MMEL1: variants seen among roughly 807,000 people sequenced by gnomAD.
MMEL1 encodes membrane metalloendopeptidase like 1.
Under a neutral mutation model 117.1 loss-of-function variants are expected in MMEL1, and 98 were observed. The observed-to-expected ratio is 0.84, with a 90% CI of 0.71 to 0.99. The LOEUF is 0.99. Among genes scored for constraint, MMEL1 ranks in the 50% least tolerant of loss-of-function variants. The pLI is 0.00. For synonymous variants in MMEL1, 390 were observed against 415.1 expected (o/e 0.94, Z 0.74); for missense variants, 1,014 against 1,049.1 (o/e 0.97, Z 0.46).
At chr1:2,623,763 C>T (rs1439517890) in intron 2 of MMEL1, among the ~76,000 whole-genome samples, 3 of 152,106 alleles carry the variant, frequency 2.0e-5, no homozygotes, top group Non-Finnish European at 2.9e-5. Flanking sequence ...CCTTGGTGGC[C>T]CAGGGATGGA....
chr1:2,629,571 GC>G lies in MMEL1; in HGVS notation c.-37-51del, dbSNP rs2100970471. 7.3e-6 allele frequency: 10 copies of G among 1,368,396 alleles called. No individual in the cohort carries two copies. The South Asian group carries it at 1.5e-4, about 20-fold the overall frequency. The allele number at this position is 1,368,396 out of a possible 1,614,324, so 84.8% of individuals were successfully genotyped here. On this transcript the variant is annotated intron_variant, in intron 1 of 23. Coordinates refer to ENST00000378412, the MANE Select transcript of MMEL1 (RefSeq NM_033467.4). ...GGGAGAGGGGCGTGGAGCTCCCCGA[GC>G]CCGGCCCGAGGCTGGAAGGGCCGGA... is the stretch of plus-strand genomic sequence containing the variant.
rs891428376 is a variant in MMEL1, at chr1:2,595,449, G to A, written c.1501-90C>T. The A allele has an allele frequency of 1.3e-5, 14 of 1,095,422 alleles. No individual in the cohort carries two copies. In the East Asian group the frequency reaches 3.1e-4, roughly 24 times the overall value. 67.9% of individuals were successfully genotyped at this position (1,095,422 alleles called of 1,614,324 possible). Reference sequence around the variant, plus strand: ...GTCAGTGAGTGCCACACTGTGGGAGGGGTCAGCCCGGGGCATCCTGGCTGT... The same window carrying A: ...GTCAGTGAGTGCCACACTGTGGGAGAGGTCAGCCCGGGGCATCCTGGCTGT... On this transcript the variant is annotated intron_variant, in intron 15 of 23. Coordinates refer to ENST00000378412, the MANE Select transcript of MMEL1 (RefSeq NM_033467.4). This position sits in a 1 kb window ranked among gnomAD's most constrained non-coding sequence, Gnocchi z 4.8.
intron 6 of MMEL1, 144 bp from the exon 7 acceptor site, chr1:2,607,213 G>A (rs1413920509): frequency 4.5e-6 from 3 of 672,146 alleles, no homozygotes; most frequent in East Asian, 2.7e-5. Flanking sequence ...CCAGCCTCTG[G>A]GCCTTTACAC....
intron 2 of MMEL1, among the ~76,000 whole-genome samples, chr1:2,627,834 C>G (rs552771995): frequency 1.3e-5 from 2 of 152,072 alleles, no homozygotes; most frequent in African/African-American, 4.8e-5. Flanking sequence ...GGGGTCTTGA[C>G]GGGGAACAGA....
chr1:2,626,844 C>CA (rs1638303966), intron 2 of MMEL1, among the ~76,000 whole-genome samples: 1 of 152,074 alleles, frequency 6.6e-6, no homozygotes. Context: ...TGATCCAAAA[C>CA]AAGGCAAGAA....
In MMEL1 at chr1:2,605,464, G is replaced by C. The variant is rs550270660; in HGVS notation, c.816+94C>G. On this transcript the variant is annotated intron_variant, in intron 9 of 23. Coordinates refer to ENST00000378412, the MANE Select transcript of MMEL1 (RefSeq NM_033467.4). ...ACAGGTGCTCACTAACACCAGCTTC[G>C]GGGAGGGAAGGCCAGGTGGGCAACG... The C allele has an allele frequency of 2.3e-5, 25 of 1,099,756 alleles. 1 individual carries two copies. In the Admixed American group the frequency reaches 4.5e-4, roughly 20 times the overall value. 68.1% of individuals were successfully genotyped at this position (1,099,756 alleles called of 1,614,324 possible). A position where few individuals can be genotyped will look rare whatever the true frequency, so the allele number is the denominator to read the frequency against.
chr1:2,594,916 GC>G (rs1557521171), intron 16 of MMEL1, 23 bp from the exon 17 acceptor site: 1 of 1,593,314 alleles, frequency 6.3e-7, no homozygotes, highest in Admixed American at 1.7e-5. Flanking sequence ...GGCAGTCACT[GC>G]CAGATGCTGG....
At chr1:2,597,299 C>T (rs909385535) in intron 13 of MMEL1, among the ~76,000 whole-genome samples, 1 of 151,960 alleles carries the variant, frequency 6.6e-6, no homozygotes, top group Non-Finnish European at 1.5e-5. Flanking sequence ...TCAGTGCCCC[C>T]CTGACGCTTG....
rs1483205648 is a variant in MMEL1 at position 2,598,195 on chromosome 1, G to A, written c.1272+12C>T. 6.2e-7 allele frequency: 1 copy of A among 1,612,944 alleles called. No individual in the cohort carries two copies. Among genetic ancestry groups the A allele is most frequent in the Admixed American group, 1.7e-5 (1 of 60,022 alleles). The stretch of plus-strand genomic sequence containing the variant: ...AGTGCCCGGCCAGGCTCTGGGCAGG[G>A]AAGGGGCTCACCTTGCGGTAGTTCA... On this transcript the variant is annotated intron_variant, in intron 13 of 23. Coordinates refer to ENST00000378412, the MANE Select transcript of MMEL1 (RefSeq NM_033467.4).
chr1:2,629,248 C>A (rs1638419300), intron 2 of MMEL1, 83 bp downstream of exon 2: 2 of 1,404,978 alleles, frequency 1.4e-6, no homozygotes, highest in Non-Finnish European at 1.9e-6. Context: ...GGGCTGGGGG[C>A]AGGCGGACCC....
At chr1:2,631,798 C>A (rs918966848) in intron 1 of MMEL1, among the ~76,000 whole-genome samples, 1 of 152,168 alleles carries the variant, frequency 6.6e-6, no homozygotes, top group Non-Finnish European at 1.5e-5. Flanking sequence ...CCGCGCCAGT[C>A]CTCAGCCTCC....
rs1324939533 is a variant in MMEL1 at position 2,629,527 on chromosome 1, G to A, written c.-37-6C>T. 1 of 1,431,264 alleles carries A rather than the reference G, an allele frequency of 7.0e-7. No homozygotes were observed. The highest frequency in any genetic ancestry group is 9.2e-7 in the Non-Finnish European group (1 of 1,090,744). The allele number at this position is 1,431,264 out of a possible 1,614,324, so 88.7% of individuals were successfully genotyped here. On this transcript the variant is annotated splice_region_variant and splice_polypyrimidine_tract_variant and intron_variant, in intron 1 of 23. Coordinates refer to ENST00000378412, the MANE Select transcript of MMEL1 (RefSeq NM_033467.4). Reference sequence around the variant, plus strand: ...GGAGAGCACCGCGGAGGAACCTGCAGGCCCAGGGCAGGGGAGAGGGGAGAG... The same window carrying A: ...GGAGAGCACCGCGGAGGAACCTGCAAGCCCAGGGCAGGGGAGAGGGGAGAG...
Position 2,590,975 on chromosome 1 carries a change from G to A in MMEL1, c.*15C>T, listed in dbSNP as rs370527323. ...AGCGGGTGGGCGTGGGCCGCACAGC[G>A]CGGCAGGGCCTTGGCTACCACACGC... On this transcript the variant is annotated 3_prime_UTR_variant, in exon 24 of 24. Transcript: ENST00000378412. 405 of 1,552,694 alleles carry A rather than the reference G, an allele frequency of 2.6e-4. No homozygotes were observed. The highest frequency in any genetic ancestry group is 3.3e-4 in the Non-Finnish European group (384 of 1,149,640).
intron 10 of MMEL1, 64 bp from the exon 11 acceptor site, chr1:2,604,037 G>C (rs2100939823): frequency 6.3e-7 from 1 of 1,593,052 alleles, no homozygotes. Flanking sequence ...TCCTGGCCCA[G>C]TCCCTGCCTG....
chr1:2,611,216 G>C (rs531746619), intron 4 of MMEL1, 65 bp downstream of exon 4: 6 of 1,477,674 alleles, frequency 4.1e-6, no homozygotes, highest in Non-Finnish European at 5.5e-6. Flanking sequence ...CGGGGCCTAC[G>C]TCAGTGTCAG....
At position 2,594,441 on chromosome 1, in the gene MMEL1, C is replaced by T; in HGVS notation, c.1691G>A (p.Trp564Ter). 1.3e-6 allele frequency: 2 copies of T among 1,551,432 alleles called. No homozygotes were observed. Among genetic ancestry groups the T allele is most frequent in the Non-Finnish European group, 1.7e-6 (2 of 1,146,930 alleles). Residue 564 changes from tryptophan to a stop codon, truncating the protein, a stop_gained and splice_region_variant, in exon 18 of 24, where the codon TGG (tryptophan) becomes TAG (stop). Coordinates refer to ENST00000378412, the MANE Select transcript of MMEL1 (RefSeq NM_033467.4). LOFTEE classifies it high-confidence loss of function. ...KLREKVDPNLWIIGAAVVNAF... is the reference protein window; with the variant it reads ...KLREKVDPNL ...ATTGACCACCGCCGCCCCGATGATC[C>T]AGCTGTGATAGACAAGCCGGTCTCT...
intron 10 of MMEL1, 87 bp from the exon 11 acceptor site, chr1:2,604,060 C>A (rs1339230943): frequency 6.3e-7 from 1 of 1,578,100 alleles, no homozygotes; most frequent in Non-Finnish European, 8.6e-7. Context: ...ACCGGCCCAC[C>A]CAGCACCCCC....
At chr1:2,617,965 A>G (rs1645231460) in intron 2 of MMEL1, among the ~76,000 whole-genome samples, 1 of 152,226 alleles carries the variant, frequency 6.6e-6, no homozygotes, top group African/African-American at 2.4e-5. Flanking sequence ...TGCTTGAATA[A>G]CTTCTGTAAT....
At chr1:2,607,600 C>T (rs574428271) in intron 6 of MMEL1, among the ~76,000 whole-genome samples, 7 of 152,196 alleles carry the variant, frequency 4.6e-5, no homozygotes, top group East Asian at 3.9e-4. Context: ...GGTGGGGACG[C>T]GGAGATAGTC....
Sources: allele counts gnomAD v4.1 joint callset (sites outside exome capture counted in the v4.1 genomes callset), GRCh38; gene constraint gnomAD v4.1.1; non-coding constraint Gnocchi (gnomAD v3.1); transcripts MANE v1.5; gene names NCBI Gene and HGNC (gene_info 2026-07-23, HGNC 2026-07-21).